The following AQP9 variants were observed in gnomAD, a reference collection of about 807,000 sequenced individuals.
AQP9 encodes aquaporin-9.
A neutral mutation model predicts 23.8 loss-of-function variants in AQP9; 19 were observed. The observed-to-expected ratio is 0.80, with a 90% CI of 0.56 to 1.17. The LOEUF is 1.17. Among genes scored for constraint, AQP9 ranks in the 50% most tolerant of loss-of-function variants. The pLI is 0.00. For synonymous variants in AQP9, 153 were observed against 131.5 expected (o/e 1.16, Z -1.12); for missense variants, 413 against 362.0 (o/e 1.14, Z -1.14).
chr15:58,183,487 C>T (rs1186740770), intron 5 of AQP9, among the ~76,000 whole-genome samples: 1 of 152,142 alleles, frequency 6.6e-6, no homozygotes, highest in Non-Finnish European at 1.5e-5. Flanking sequence ...ACACATCCAC[C>T]TTAGATTTTT....
chr15:58,154,670 C>G lies in AQP9; in HGVS notation c.112-12003C>G, dbSNP rs1285704785. Among the ~76,000 whole-genome samples the G allele has an allele frequency of 2.0e-5, 3 of 152,110 alleles. No individual in the cohort carries two copies. In the East Asian group the frequency reaches 5.8e-4, roughly 29 times the overall value. Reference sequence around the variant, plus strand: ...CCCTCAAATGTCAATACTTGACCCTCATGTTTCAGGATACTCCTCAAACAA... The same window carrying G: ...CCCTCAAATGTCAATACTTGACCCTGATGTTTCAGGATACTCCTCAAACAA... On this transcript the variant is annotated intron_variant, in intron 1 of 5. Transcript: ENST00000219919.
At chr15:58,183,439 A>T (rs1040988986) in intron 5 of AQP9, among the ~76,000 whole-genome samples, 20 of 152,250 alleles carry the variant, frequency 1.3e-4, no homozygotes, top group African/African-American at 9.6e-5. Context: ...GATCTTAAAA[A>T]ATAAGTACTG....
At chr15:58,181,071 T>A (rs1160406804) in intron 5 of AQP9, among the ~76,000 whole-genome samples, 1 of 152,122 alleles carries the variant, frequency 6.6e-6, no homozygotes, top group Non-Finnish European at 1.5e-5. Context: ...ACCTCCTTGG[T>A]GATTCATTCA....
chr15:58,179,469 G>A (rs1358048870), intron 5 of AQP9, 124 bp downstream of exon 5: 1 of 776,074 alleles, frequency 1.3e-6, no homozygotes, highest in Non-Finnish European at 2.0e-6. Flanking sequence ...GCACACTCTG[G>A]TCATAAGCAT....
chr15:58,166,606 T>C, intron 1 of AQP9, 67 bp from the exon 2 acceptor site: 1 of 1,527,468 alleles, frequency 6.5e-7, no homozygotes, highest in East Asian at 2.3e-5. Context: ...TACTTGCTAC[T>C]GTGAGTTTCC....
chr15:58,153,630 A>G (rs1447224632), intron 1 of AQP9: 1 of 152,172 alleles, frequency 6.6e-6, no homozygotes, highest in Non-Finnish European at 1.5e-5. Flanking sequence ...CATCATCCAT[A>G]ATCTCAGTGA....
chr15:58,156,595 C>A (rs2140602908), intron 1 of AQP9, among the ~76,000 whole-genome samples: 1 of 152,314 alleles, frequency 6.6e-6, no homozygotes, highest in South Asian at 2.1e-4. Flanking sequence ...TAACCACAGA[C>A]TGGGCAGGAA....
chr15:58,151,689 A>G (rs1898152911), intron 1 of AQP9: 1 of 152,118 alleles, frequency 6.6e-6, no homozygotes, highest in South Asian at 2.1e-4. Context: ...TTTACCACCC[A>G]AGAACTATTA....
intron 1 of AQP9, chr15:58,138,938 G>A (rs1050675038): frequency 2.2e-5 from 8 of 359,700 alleles, no homozygotes; most frequent in East Asian, 5.7e-5. Flanking sequence ...TTTATTTCAG[G>A]TATTTACTTA....
chr15:58,180,517 G>A (rs1380362112), intron 5 of AQP9, among the ~76,000 whole-genome samples: 1 of 152,106 alleles, frequency 6.6e-6, no homozygotes, highest in African/African-American at 2.4e-5. Context: ...CTCATAGAAA[G>A]GCTCAATAAA....
chr15:58,152,016 A>G (rs186622221), intron 1 of AQP9: 3 of 152,336 alleles, frequency 2.0e-5, no homozygotes, highest in Admixed American at 1.3e-4. Context: ...TAAGCCATAT[A>G]GCACTTGTTA....
intron 2 of AQP9, among the ~76,000 whole-genome samples, chr15:58,171,994 C>T (rs1330704050): frequency 1.3e-5 from 2 of 152,170 alleles, no homozygotes; most frequent in Admixed American, 6.5e-5. Context: ...CATCTGTTTT[C>T]ACTAGGAAGT....
chr15:58,164,991 T>G (rs191647622), intron 1 of AQP9, among the ~76,000 whole-genome samples: 86 of 152,304 alleles, frequency 5.6e-4, no homozygotes, highest in Non-Finnish European at 1.0e-3. Context: ...AGCCTTCACA[T>G]TGTTAATCTC....
chr15:58,171,981 G>A (rs1455507265), intron 2 of AQP9, among the ~76,000 whole-genome samples: 1 of 152,132 alleles, frequency 6.6e-6, no homozygotes, highest in Non-Finnish European at 1.5e-5. Context: ...TTCCTCAAAT[G>A]AACATCTGTT....
At chr15:58,144,944 G>A (rs934007459) in intron 1 of AQP9, among the ~76,000 whole-genome samples, 9 of 150,154 alleles carry the variant, frequency 6.0e-5, no homozygotes, top group African/African-American at 2.2e-4. Context: ...AACCCGGAAG[G>A]TGGAGGTTGC....
At chr15:58,183,591 G>A (rs1391093020) in intron 5 of AQP9, among the ~76,000 whole-genome samples, 1 of 152,022 alleles carries the variant, frequency 6.6e-6, no homozygotes, top group Admixed American at 6.5e-5. Flanking sequence ...TCCACATTCT[G>A]CTTGTAATCC....
chr15:58,143,631 T>C (rs1195315966), intron 1 of AQP9, among the ~76,000 whole-genome samples: 2 of 152,216 alleles, frequency 1.3e-5, no homozygotes, highest in Non-Finnish European at 2.9e-5. Context: ...GTTTTATATG[T>C]TTAAAAATTT....
chr15:58,184,168 T>C lies in AQP9; in HGVS notation c.*33T>C, dbSNP rs776935339. 4 of 1,601,102 alleles carry C rather than the reference T, an allele frequency of 2.5e-6. No homozygotes were observed. The highest frequency in any genetic ancestry group is 1.7e-5 in the Admixed American group (1 of 59,414). On this transcript the variant is annotated 3_prime_UTR_variant, in exon 6 of 6. Transcript: ENST00000219919. The stretch of plus-strand genomic sequence containing the variant: ...CTCAGCTCTGGATTTGCAGTCAGTT[T>C]GGGATTCTCTTCAGAAAGATGGCAT...
rs372769292 is a variant in AQP9 at position 58,179,388 on chromosome 15, C to A, written c.713+43C>A. 10 of 1,548,880 alleles carry A rather than the reference C, an allele frequency of 6.5e-6. No homozygotes were observed. The African/African-American group carries it at 8.2e-5, about 13-fold the overall frequency. ...GGAAGAGAGAGACAGAGTCATGCTG[C>A]GCCTCACCAGTGGGGCGGGGCTTTG... On this transcript the variant is annotated intron_variant, in intron 5 of 5. Coordinates refer to ENST00000219919, the MANE Select transcript of AQP9 (RefSeq NM_020980.5).
Sources: gnomAD v4.1 joint callset for allele counts (sites outside exome capture counted in the v4.1 genomes callset) on GRCh38, gnomAD v4.1.1 for gene constraint, MANE v1.5 for transcripts, NCBI Gene and HGNC (gene_info 2026-07-23, HGNC 2026-07-21) for gene names.